Variants in EPM2A observed in about 807,000 individuals in gnomAD.
EPM2A encodes the protein laforin.
In EPM2A, 21 loss-of-function variants were observed where a neutral mutation model predicts 26.5. The ratio of observed to expected loss-of-function variants is 0.79; its 90% CI spans 0.56 to 1.14. The LOEUF (loss-of-function observed/expected upper bound fraction) is 1.14, where lower values mean the gene tolerates loss of function less well. EPM2A is among the 50% of genes most tolerant of loss of function. EPM2A has a pLI of 0.00. For missense variants in EPM2A, 458 were observed against 440.8 expected, an observed-to-expected ratio of 1.04 and a Z score of -0.35; for synonymous variants, 217 against 177.6, an observed-to-expected ratio of 1.22 and a Z score of -1.76.
chr6:145,455,009 G>A (rs1398538718), intron 4 of EPM2A, among the ~76,000 whole-genome samples: 1 of 151,908 alleles, frequency 6.6e-6, no homozygotes, highest in Non-Finnish European at 1.5e-5. Flanking sequence ...ATATGTGTGT[G>A]TACACATATA....
intron 2 of EPM2A, among the ~76,000 whole-genome samples, chr6:145,572,939 C>T (rs1780980024): frequency 6.6e-6 from 1 of 152,158 alleles, no homozygotes; most frequent in South Asian, 2.1e-4. Flanking sequence ...GGCGTTATGC[C>T]TCTTTCTGAG....
chr6:145,583,062 T>A (rs1292352741), intron 2 of EPM2A, among the ~76,000 whole-genome samples: 1 of 152,224 alleles, frequency 6.6e-6, no homozygotes, highest in East Asian at 1.9e-4. Flanking sequence ...CGTCTTGTTT[T>A]ATTGTATTTT....
chr6:145,410,909 G>A (rs1335110712), intron 4 of EPM2A, among the ~76,000 whole-genome samples: 2 of 152,184 alleles, frequency 1.3e-5, no homozygotes, highest in African/African-American at 2.4e-5. Context: ...AATAATTCTT[G>A]TTATTGTTAT....
intron 2 of EPM2A, among the ~76,000 whole-genome samples, chr6:145,664,600 T>A (rs1562460594): frequency 6.6e-6 from 1 of 151,240 alleles, no homozygotes; most frequent in Non-Finnish European, 1.5e-5. Flanking sequence ...ATTAGACAGA[T>A]CAACGAGACA....
chr6:145,671,550 C>G (rs1054979198), intron 2 of EPM2A, among the ~76,000 whole-genome samples: 9 of 152,136 alleles, frequency 5.9e-5, no homozygotes, highest in African/African-American at 2.2e-4. Flanking sequence ...TTTTAATAGT[C>G]ATCTAGTTCA....
chr6:145,473,545 A>G (rs1324665347), intron 4 of EPM2A, among the ~76,000 whole-genome samples: 1 of 152,160 alleles, frequency 6.6e-6, no homozygotes, highest in African/African-American at 2.4e-5. Flanking sequence ...AAAAATATCA[A>G]TACCCAAGTA....
In EPM2A at chr6:145,626,633, A is replaced by G. The variant is rs1460697438; in HGVS notation, c.*783T>C. 4.1e-6 allele frequency: 4 copies of G among 980,540 alleles called. No individual in the cohort carries two copies. The highest frequency in any genetic ancestry group is 6.1e-5 in the Admixed American group (1 of 16,278). 60.7% of individuals were successfully genotyped at this position (980,540 alleles called of 1,614,324 possible). On this transcript the variant is annotated 3_prime_UTR_variant, in exon 4 of 4. Coordinates refer to ENST00000367519, the MANE Select transcript of EPM2A (RefSeq NM_005670.4). ...GAAAACAGTGCTGAGTCAAATAAAT[A>G]TAGATTATTAACTCCAGCTTGCCCT...
chr6:145,522,412 C>T (rs76253092), intron 2 of EPM2A, among the ~76,000 whole-genome samples: 8,786 of 152,078 alleles, frequency 0.058, 384 homozygotes, highest in East Asian at 0.17. Flanking sequence ...CATCAACTGA[C>T]CCAGATAATG....
chr6:145,669,664 C>T (rs1359370673), intron 2 of EPM2A, among the ~76,000 whole-genome samples: 15 of 152,156 alleles, frequency 9.9e-5, no homozygotes, highest in Admixed American at 9.8e-4. Context: ...ACTTAGATTT[C>T]TTTCTGATCT....
chr6:145,471,090 A>G lies in EPM2A; in HGVS notation c.555+31432T>C, dbSNP rs531448286. ...AACACAAGAGTCTTGTTTGGTATCAAAGTCATTGACCTCATAGACAGAACA... is the reference window on the plus strand; with the variant it reads ...AACACAAGAGTCTTGTTTGGTATCAGAGTCATTGACCTCATAGACAGAACA... On this transcript the variant is annotated intron_variant, in intron 4 of 4. Transcript: ENST00000638717. 1.4e-4 allele frequency among the ~76,000 whole-genome samples: 22 copies of G among 152,272 alleles called. No homozygotes were observed. In the South Asian group the frequency reaches 4.6e-3, roughly 32 times the overall value.
At position 145,460,044 on chromosome 6, in the gene EPM2A, G is replaced by A. The variant is rs570874551; in HGVS notation, c.555+42478C>T. 1.4e-4 allele frequency among the ~76,000 whole-genome samples: 22 copies of A among 152,172 alleles called. No homozygotes were observed. In the South Asian group the frequency reaches 4.1e-3, roughly 29 times the overall value. On this transcript the variant is annotated intron_variant, in intron 4 of 4. Transcript: ENST00000638717. Reference sequence around the variant, plus strand: ...TAACTTAAGTTTAACATTTATTCTAGTAACAAAAATAGACTTAAGAATTTT... The same window carrying A: ...TAACTTAAGTTTAACATTTATTCTAATAACAAAAATAGACTTAAGAATTTT...
chr6:145,440,713 C>G (rs1354107336), intron 4 of EPM2A, among the ~76,000 whole-genome samples: 2 of 152,214 alleles, frequency 1.3e-5, no homozygotes, highest in Non-Finnish European at 2.9e-5. Flanking sequence ...AGTCCAAAAT[C>G]CAGTGGGGCA....
intron 2 of EPM2A, among the ~76,000 whole-genome samples, chr6:145,658,733 C>T (rs907841891): frequency 6.6e-6 from 1 of 152,182 alleles, no homozygotes; most frequent in Admixed American, 6.5e-5. Context: ...TGAAAAGACA[C>T]AGTAGTTTTC....
chr6:145,731,204 C>T (rs1479312273), intron 1 of EPM2A, among the ~76,000 whole-genome samples: 4 of 152,178 alleles, frequency 2.6e-5, no homozygotes, highest in African/African-American at 4.8e-5. Flanking sequence ...ACACCCTGAG[C>T]GGAATTTTAT....
chr6:145,696,826 TG>T (rs71552937), intron 1 of EPM2A, among the ~76,000 whole-genome samples: 1 of 128,338 alleles, frequency 7.8e-6, no homozygotes, highest in Non-Finnish European at 1.7e-5. Flanking sequence ...TGTGTGTGTG[TG>T]GTGTGTTTCA....
chr6:145,591,823 TTTTTA>T (rs1351604866), intron 2 of EPM2A, among the ~76,000 whole-genome samples: 1 of 151,930 alleles, frequency 6.6e-6, no homozygotes, highest in African/African-American at 2.4e-5. Flanking sequence ...AAGATAACTA[TTTTTA>T]TTTTATTAAT....
chr6:145,540,890 A>G lies in EPM2A; in HGVS notation c.341-38315T>C, dbSNP rs143742988. ...ATTAAAATATTGAGTAACTATAATT[A>G]TGCTAAATCTGTTCTCATCTCTGAT... On this transcript the variant is annotated intron_variant, in intron 2 of 3. Coordinates refer to the EPM2A transcript ENST00000450221. Among the ~76,000 whole-genome samples, 1,170 of 152,306 alleles carry G rather than the reference A, an allele frequency of 7.7e-3. 16 individuals are homozygous for G. Among genetic ancestry groups the G allele is most frequent in the African/African-American group, 0.027 (1,112 of 41,554 alleles).
chr6:145,611,127 A>G lies in EPM2A; in HGVS notation c.340+24118T>C, dbSNP rs143292272. On this transcript the variant is annotated intron_variant, in intron 2 of 3. Coordinates refer to the EPM2A transcript ENST00000450221. ...ATATATGAAAAAATAGACCACGAAC[A>G]GATAAAATATATTCTGTACTGACAA... Among the ~76,000 whole-genome samples, 7 of 152,348 alleles carry G rather than the reference A, an allele frequency of 4.6e-5. No homozygotes were observed. The East Asian group carries it at 1.3e-3, about 29-fold the overall frequency.
intron 4 of EPM2A, among the ~76,000 whole-genome samples, chr6:145,385,446 CT>C (rs1419858712): frequency 6.6e-6 from 1 of 151,992 alleles, no homozygotes; most frequent in Admixed American, 6.6e-5. Context: ...TTAGAGTATT[CT>C]GATGATATAA....
Sources: allele counts gnomAD v4.1 joint callset (sites outside exome capture counted in the v4.1 genomes callset), GRCh38; gene constraint gnomAD v4.1.1; transcripts MANE v1.5; gene names NCBI Gene and HGNC (gene_info 2026-07-23, HGNC 2026-07-21).